Variants in PEX16 observed in about 807,000 individuals in gnomAD.
PEX16 encodes the protein peroxisomal biogenesis factor 16, also known as peroxin 16.
Under a neutral mutation model 50.5 loss-of-function variants are expected in PEX16, and 37 were observed. The observed-to-expected ratio is 0.73, with a 90% confidence interval of 0.56 to 0.96. The LOEUF (loss-of-function observed/expected upper bound fraction) is 0.96, where lower values mean the gene tolerates loss of function less well. Among genes scored for constraint, PEX16 ranks in the 40% least tolerant of loss-of-function variants. PEX16 has a pLI of 0.00. For missense variants in PEX16, 401 were observed against 438.3 expected (o/e 0.91, Z 0.76); for synonymous variants, 185 against 190.3 (o/e 0.97, Z 0.23).
Position 45,914,328 on chromosome 11 carries a change from G to A in PEX16, c.682C>T (p.Pro228Ser). ...GCGCTAAGGATACAGTGCAGCAGCG[G>A]CCGGGCAATGTACAAAAACTCTGCG... is the stretch of plus-strand genomic sequence containing the variant. ...TIAEFLYIAR[P>S]LLHLLSLGLW... Residue 228 changes from proline to serine, a missense_variant, in exon 7 of 11, where the codon CCG becomes TCG. Coordinates refer to ENST00000378750, the MANE Select transcript of PEX16 (RefSeq NM_004813.4). 1.2e-6 allele frequency: 2 copies of A among 1,612,964 alleles called. No homozygotes were observed. The highest frequency in any genetic ancestry group is 1.7e-6 in the Non-Finnish European group (2 of 1,180,022).
chr11:45,914,183 C>G lies in PEX16; in HGVS notation c.715G>C (p.Gly239Arg). The change falls in exon 8 of 11, where the codon GGT (glycine) becomes CGT (arginine). Residue 239 changes from glycine (G) to arginine (R), a missense_variant. By Grantham distance (125) the Gly-to-Arg change is moderately radical. Coordinates refer to ENST00000378750, the MANE Select transcript of PEX16 (RefSeq NM_004813.4). ...LLHLLSLGLW[G>R]QRSWKPWLLA... ...AGCCAGGGTTTCCACGACCTCTGAC[C>G]CCACAGGCCCAGGCTGAGCACTGAC... 1 of 1,612,564 alleles carries G rather than the reference C, an allele frequency of 6.2e-7. No individual in the cohort carries two copies. Among genetic ancestry groups the G allele is most frequent in the Non-Finnish European group, 8.5e-7 (1 of 1,179,414 alleles).
intron 8 of PEX16, 41 bp from the exon 9 acceptor site, chr11:45,913,979 T>C (rs374958341): frequency 3.0e-5 from 48 of 1,609,538 alleles, no homozygotes; most frequent in Non-Finnish European, 3.6e-5. Flanking sequence ...AGGGGCATGA[T>C]CTAGGCCCAC....
At chr11:45,914,915 T>C (rs1197769564) in intron 5 of PEX16, among the ~76,000 whole-genome samples, 1 of 152,194 alleles carries the variant, frequency 6.6e-6, no homozygotes, top group Non-Finnish European at 1.5e-5. Context: ...TCAGCATAGC[T>C]GTGGCCAGAG....
Position 45,914,482 on chromosome 11 carries a change from G to A in PEX16, c.542-14C>T. ...GCAGGGACGGCGCTAGAACACAAGG[G>A]CGGCAGATGAGCGAGCCAGGCCCAG... On this transcript the variant is annotated splice_polypyrimidine_tract_variant and intron_variant, in intron 6 of 10. Coordinates refer to ENST00000378750, the MANE Select transcript of PEX16 (RefSeq NM_004813.4). 1.9e-6 allele frequency: 3 copies of A among 1,608,626 alleles called. No homozygotes were observed. Among genetic ancestry groups the A allele is most frequent in the South Asian group, 1.1e-5 (1 of 91,060 alleles).
chr11:45,912,112 C>T (rs2086785164), intron 9 of PEX16: 1 of 152,268 alleles, frequency 6.6e-6, no homozygotes, highest in Non-Finnish European at 1.5e-5. Flanking sequence ...CAAGGCGGGC[C>T]TTTGTTTCCC....
At chr11:45,918,077 C>T (rs1187221437), upstream of PEX16, 5 of 539,756 alleles carry the variant, frequency 9.3e-6, no homozygotes, top group African/African-American at 9.5e-5. Flanking sequence ...ACGCTCTCCG[C>T]CCCTGACCCG....
intron 3 of PEX16, 47 bp from the exon 4 acceptor site, chr11:45,915,883 G>T (rs753883895): frequency 1.4e-5 from 22 of 1,574,258 alleles, no homozygotes; most frequent in Admixed American, 8.4e-5. Flanking sequence ...GGACTACAGG[G>T]AGTCCCAGGC....
In PEX16 at chr11:45,910,937, A is replaced by G. The variant is rs1219062770; in HGVS notation, c.913T>C (p.Leu305=). ...ACGCCAGGGACGTGGTCGGCCAGCA[A>G]CTGGAGCAGGAAGAGGATCCTGGCC... is the stretch of plus-strand genomic sequence containing the variant. ...SEARILFLLQ[L]LADHVPGVGL... is the part of the protein sequence containing the mutation. Residue 305 remains leucine, a synonymous_variant, in exon 10 of 11, where the codon TTG becomes CTG. Coordinates refer to ENST00000378750, the MANE Select transcript of PEX16 (RefSeq NM_004813.4). The G allele has an allele frequency of 1.9e-6, 3 of 1,613,558 alleles. No homozygotes were observed. The highest frequency in any genetic ancestry group is 1.1e-5 in the South Asian group (1 of 91,086).
At chr11:45,910,621 G>A (rs1227831509) in intron 10 of PEX16, among the ~76,000 whole-genome samples, 2 of 152,188 alleles carry the variant, frequency 1.3e-5, no homozygotes, top group African/African-American at 4.8e-5. Flanking sequence ...ATCCCCCCAA[G>A]ATGAGATGGT....
chr11:45,914,338 G>T lies in PEX16; in HGVS notation c.672C>A (p.Tyr224Ter). ...TACAGTGCAGCAGCGGCCGGGCAATGTACAAAAACTCTGCGATGGTCTCCT... is the reference window on the plus strand; with the variant it reads ...TACAGTGCAGCAGCGGCCGGGCAATTTACAAAAACTCTGCGATGGTCTCCT... The part of the protein sequence containing the change: ...GLQETIAEFL[Y>*]IARPLLHLLS... Residue 224 changes from tyrosine to a stop codon, truncating the protein, a stop_gained, in exon 7 of 11, where the codon TAC becomes TAA. Transcript: ENST00000378750. LOFTEE classifies it high-confidence loss of function. The T allele has an allele frequency of 6.2e-7, 1 of 1,612,806 alleles. No individual in the cohort carries two copies. Among genetic ancestry groups the T allele is most frequent in the Non-Finnish European group, 8.5e-7 (1 of 1,180,024 alleles).
rs1431784897 is a variant in PEX16 at position 45,910,217 on chromosome 11, C to T, written c.*37G>A. On this transcript the variant is annotated 3_prime_UTR_variant, in exon 11 of 11. Transcript: ENST00000378750. ...TTTATTAGGGAAGAGGGGCTCCCTG[C>T]CCCACCCCTCCCCACACCCTCCTTC... 138 of 1,612,604 alleles carry T rather than the reference C, an allele frequency of 8.6e-5. No individual in the cohort carries two copies. Among genetic ancestry groups the T allele is most frequent in the Non-Finnish European group, 1.2e-4 (138 of 1,179,346 alleles).
chr11:45,915,562 T>C lies in PEX16; in HGVS notation c.366A>G (p.Val122=). Residue 122 remains valine (V), a synonymous_variant, in exon 5 of 11, where the codon GTA becomes GTG. Coordinates refer to ENST00000378750, the MANE Select transcript of PEX16 (RefSeq NM_004813.4). The part of the protein sequence containing the change: ...VIALVQLAKA[V]LRMLLLLWFK... ...ACCAGAGCAGCAGGAGCATCCGCAG[T>C]ACAGCCCTGGGTCGGGGAGTATGTC... 6.2e-7 allele frequency: 1 copy of C among 1,614,088 alleles called. No homozygotes were observed. The highest frequency in any genetic ancestry group is 8.5e-7 in the Non-Finnish European group (1 of 1,180,004).
Position 45,909,754 on chromosome 11 carries a change from GCT to G in PEX16, c.*498_*499del, listed in dbSNP as rs948070036. 2 of 414,904 alleles carry G rather than the reference GCT, an allele frequency of 4.8e-6. No homozygotes were observed. The highest frequency in any genetic ancestry group is 4.0e-5 in the African/African-American group (2 of 50,170). The allele number at this position is 414,904 out of a possible 1,614,324, so 25.7% of individuals were successfully genotyped here. A position where few individuals can be genotyped will look rare whatever the true frequency, so the allele number is the denominator to read the frequency against. ...GGGAGCCAGGCTCACTGTTCACCAG[GCT>G]CTGTCACAGGGAGGCTGGCAACGCC... On this transcript the variant is annotated 3_prime_UTR_variant, in exon 11 of 11. Transcript: ENST00000378750.
intron 10 of PEX16, among the ~76,000 whole-genome samples, 162 bp from the exon 11 acceptor site, chr11:45,910,474 G>C (rs2086765448): frequency 6.6e-6 from 1 of 152,192 alleles, no homozygotes; most frequent in Non-Finnish European, 1.5e-5. Context: ...CATTTACAAA[G>C]ACCCTCAGGC....
chr11:45,909,807 G>A lies in PEX16; in HGVS notation c.*447C>T, dbSNP rs2086755716. 2 of 510,592 alleles carry A rather than the reference G, an allele frequency of 3.9e-6. No individual in the cohort carries two copies. The highest frequency in any genetic ancestry group is 2.3e-5 in the South Asian group (1 of 44,076). 31.6% of individuals were successfully genotyped at this position (510,592 alleles called of 1,614,324 possible). On this transcript the variant is annotated 3_prime_UTR_variant, in exon 11 of 11. Coordinates refer to ENST00000378750, the MANE Select transcript of PEX16 (RefSeq NM_004813.4). ...ATGGCCTGGGGCTGCCAGAGCCACAGGGCCCTGCGGAGAAGGGGCAGACGG... is the reference window on the plus strand; with the variant it reads ...ATGGCCTGGGGCTGCCAGAGCCACAAGGCCCTGCGGAGAAGGGGCAGACGG...
In PEX16 at chr11:45,915,474, G is replaced by A. The variant is rs1357832796; in HGVS notation, c.454C>T (p.Pro152Ser). 6.2e-7 allele frequency: 1 copy of A among 1,613,360 alleles called. No individual in the cohort carries two copies. Among genetic ancestry groups the A allele is most frequent in the Non-Finnish European group, 8.5e-7 (1 of 1,179,312 alleles). Residue 152 changes from proline to serine, a missense_variant, in exon 5 of 11, where the codon CCC (proline) becomes TCC (serine). Pro to Ser is a moderately conservative substitution (Grantham distance 74). Transcript: ENST00000378750. ...VPLDRETQAQ[P>S]PDGDHSPGNH... The stretch of plus-strand genomic sequence containing the variant: ...GCTTGGGGAAGTAGCTCACCCGGGG[G>A]CTGTGCCTGGGTCTCTCTGTCCAGT...
chr11:45,917,095 G>A (rs2086844418), intron 2 of PEX16: 3 of 572,284 alleles, frequency 5.2e-6, no homozygotes. Flanking sequence ...TTGAATCTTG[G>A]TTCTGGGACC....
chr11:45,910,835 G>T, intron 10 of PEX16, 63 bp downstream of exon 10: 1 of 1,335,750 alleles, frequency 7.5e-7, no homozygotes, highest in Non-Finnish European at 1.1e-6. Context: ...AGAGGAGTCA[G>T]GGAGGTGCTT....
rs1227389425 is a variant in PEX16 at position 45,917,868 on chromosome 11, T to A, written c.-57A>T. The A allele has an allele frequency of 8.0e-7, 1 of 1,255,262 alleles. No individual in the cohort carries two copies. The highest frequency in any genetic ancestry group is 1.1e-6 in the Non-Finnish European group (1 of 891,406). The allele number at this position is 1,255,262 out of a possible 1,614,324, so 77.8% of individuals were successfully genotyped here. A position where few individuals can be genotyped will look rare whatever the true frequency, so the allele number is the denominator to read the frequency against. The stretch of plus-strand genomic sequence containing the variant: ...GACCGTACGACAGGCTGCGGCGCCC[T>A]GCTTCCTGCGCCCTCCTTCCTGCTT... On this transcript the variant is annotated 5_prime_UTR_variant, in exon 1 of 11. Transcript: ENST00000378750.
Sources: gnomAD v4.1 joint callset for allele counts (sites outside exome capture counted in the v4.1 genomes callset) on GRCh38, gnomAD v4.1.1 for gene constraint, MANE v1.5 for transcripts, NCBI Gene and HGNC (gene_info 2026-07-23, HGNC 2026-07-21) for gene names.